DHRSX: variants seen among roughly 807,000 people sequenced by gnomAD.
The protein encoded by DHRSX is dehydrogenase/reductase X-linked, also known as polyprenol dehydrogenase.
In DHRSX, 31 loss-of-function variants were observed where a neutral mutation model predicts 34.0. The observed-to-expected ratio is 0.91, with a 90% CI of 0.69 to 1.23. The LOEUF (loss-of-function observed/expected upper bound fraction) is 1.23, where lower values mean the gene tolerates loss of function less well. Among genes scored for constraint, DHRSX ranks in the 50% most tolerant of loss-of-function variants. DHRSX has a pLI of 0.00. For missense variants in DHRSX, 414 were observed against 428.1 expected (o/e 0.97, Z 0.29); for synonymous variants, 201 against 183.8 (o/e 1.09, Z -0.76).
chrX:2,305,604 T>C (rs965623004), intron 3 of DHRSX, among the ~76,000 whole-genome samples: 1 of 152,104 alleles, frequency 6.6e-6, no homozygotes, highest in African/African-American at 2.4e-5. Context: ...TGCCCGTCAT[T>C]GATAGACTGA....
chrX:2,357,301 C>G (rs1214408122), intron 3 of DHRSX, among the ~76,000 whole-genome samples: 1 of 151,962 alleles, frequency 6.6e-6, no homozygotes, highest in Non-Finnish European at 1.5e-5. Context: ...GTTGGTGTCC[C>G]TAACCCCCAT....
chrX:2,264,620 G>C (rs1270128039), intron 5 of DHRSX, among the ~76,000 whole-genome samples: 1 of 150,492 alleles, frequency 6.6e-6, no homozygotes, highest in Non-Finnish European at 1.5e-5. Flanking sequence ...ACCATGCCCA[G>C]CAGATGCAGG....
At chrX:2,240,460 C>T (rs747177397) in intron 6 of DHRSX, among the ~76,000 whole-genome samples, 6 of 151,788 alleles carry the variant, frequency 4.0e-5, no homozygotes, top group Non-Finnish European at 7.4e-5. Flanking sequence ...GACTTTCAGA[C>T]GAAATCAAGA....
chrX:2,297,629 G>T (rs1314716308), intron 3 of DHRSX, among the ~76,000 whole-genome samples: 1 of 152,078 alleles, frequency 6.6e-6, no homozygotes, highest in Non-Finnish European at 1.5e-5. Context: ...TTTTTTGTTT[G>T]TTAGCTTTTA....
intron 3 of DHRSX, among the ~76,000 whole-genome samples, chrX:2,322,165 C>T (rs1162925349): frequency 2.7e-5 from 4 of 147,276 alleles, no homozygotes; most frequent in Admixed American, 6.8e-5. Context: ...TTTTATCATT[C>T]TTATGCCTTT....
At position 2,284,926 on chromosome X, in the gene DHRSX, G is replaced by A. The variant is rs758072097; in HGVS notation, c.388+6576C>T. Among the ~76,000 whole-genome samples the A allele has an allele frequency of 1.3e-4, 20 of 152,276 alleles. No homozygotes were observed. The South Asian group carries it at 1.9e-3, about 14-fold the overall frequency. On this transcript the variant is annotated intron_variant, in intron 4 of 6. Coordinates refer to ENST00000334651, the MANE Select transcript of DHRSX (RefSeq NM_145177.3). ...TCTAAGAATAAAAAAAGAAAAGCAC[G>A]AAGTGTAGCTCCTTCTTGCCTTGGA...
intron 3 of DHRSX, among the ~76,000 whole-genome samples, chrX:2,377,907 T>A (rs1242570565): frequency 2.0e-5 from 3 of 152,036 alleles, no homozygotes; most frequent in Non-Finnish European, 2.9e-5. Flanking sequence ...CCCGGCTAAT[T>A]TTTTGTATGT....
At chrX:2,321,601 G>A (rs778008220) in intron 3 of DHRSX, among the ~76,000 whole-genome samples, 10 of 151,982 alleles carry the variant, frequency 6.6e-5, no homozygotes, top group South Asian at 6.2e-4. Context: ...TCTGCCCTGC[G>A]AGACCATCTG....
At chrX:2,401,402 T>C (rs2043484161) in intron 3 of DHRSX, among the ~76,000 whole-genome samples, 1 of 152,180 alleles carries the variant, frequency 6.6e-6, no homozygotes. Flanking sequence ...TGAGCCATCG[T>C]GCCTAGCCAG....
At chrX:2,354,495 T>C (rs2042824988) in intron 3 of DHRSX, among the ~76,000 whole-genome samples, 1 of 152,198 alleles carries the variant, frequency 6.6e-6, no homozygotes, top group African/African-American at 2.4e-5. Context: ...GGAATCTCGC[T>C]CTGTCAGCCA....
intron 3 of DHRSX, among the ~76,000 whole-genome samples, chrX:2,371,686 T>C (rs867572757): frequency 4.3e-5 from 3 of 69,538 alleles, no homozygotes; most frequent in Admixed American, 1.5e-4. Flanking sequence ...CCTCCCATTA[T>C]CACCGCCCCT....
At chrX:2,419,823 T>TGGGGGGA (rs1454981898) in intron 2 of DHRSX, among the ~76,000 whole-genome samples, 1 of 25,092 alleles carries the variant, frequency 4.0e-5, no homozygotes, top group Non-Finnish European at 7.3e-5. Context: ...TGTTGTGGGG[T>TGGGGGGA]GGGGGGAGGG....
chrX:2,492,647 G>C (rs7881682), intron 1 of DHRSX, among the ~76,000 whole-genome samples: 1 of 151,190 alleles, frequency 6.6e-6, no homozygotes, highest in Non-Finnish European at 1.5e-5. Context: ...AGGAGACACA[G>C]ACACAGAGAA....
At chrX:2,334,170 C>CTTTTTTTTTTTTTTTTTTTTTTTTT (rs778057545) in intron 3 of DHRSX, 1 of 105,110 alleles carries the variant, frequency 9.5e-6, no homozygotes, top group African/African-American at 4.1e-5. Flanking sequence ...CAAAAGTATG[C>CTTTTTTTTTTTTTTTTTTTTTTTTT]TTTTTTTTTT....
At chrX:2,273,550 G>A (rs2041585641) in intron 4 of DHRSX, among the ~76,000 whole-genome samples, 1 of 152,172 alleles carries the variant, frequency 6.6e-6, no homozygotes, top group South Asian at 2.1e-4. Flanking sequence ...ATTAGAGACT[G>A]AGGGTGGGGC....
intron 3 of DHRSX, among the ~76,000 whole-genome samples, chrX:2,306,926 C>CTTTTTTTTTTT (rs779898766): frequency 7.6e-6 from 1 of 132,174 alleles, no homozygotes; most frequent in African/African-American, 2.8e-5. Context: ...GGTCTTGGGG[C>CTTTTTTTTTTT]TTTTTTTTTT....
chrX:2,373,651 G>T (rs1490144984), intron 3 of DHRSX, among the ~76,000 whole-genome samples: 1 of 152,182 alleles, frequency 6.6e-6, no homozygotes, highest in Non-Finnish European at 1.5e-5. Flanking sequence ...AGGGGAAGGG[G>T]TTGTTGTATC....
chrX:2,349,796 C>G (rs953869952), intron 3 of DHRSX, among the ~76,000 whole-genome samples: 4 of 151,590 alleles, frequency 2.6e-5, no homozygotes, highest in Admixed American at 6.6e-5. Flanking sequence ...AATTCCAGCA[C>G]TTTGGGAGGC....
At chrX:2,282,820 G>C (rs868712388) in intron 4 of DHRSX, among the ~76,000 whole-genome samples, 1 of 133,514 alleles carries the variant, frequency 7.5e-6, no homozygotes, top group Non-Finnish European at 1.6e-5. Context: ...GAAAGAGAGA[G>C]AGGGAGAGAG....
Sources: allele counts gnomAD v4.1 joint callset (sites outside exome capture counted in the v4.1 genomes callset), GRCh38; gene constraint gnomAD v4.1.1; transcripts MANE v1.5; gene names NCBI Gene and HGNC (gene_info 2026-07-23, HGNC 2026-07-21).